The following RAP1GDS1 variants were observed in gnomAD, a reference collection of about 807,000 sequenced individuals.
RAP1GDS1 encodes the protein Rap1 GTPase-GDP dissociation stimulator 1, also known as RAP1, GTP-GDP dissociation stimulator 1.
In RAP1GDS1, 35 loss-of-function variants were observed where a neutral mutation model predicts 71.1. The observed-to-expected ratio is 0.49, with a 90% CI of 0.38 to 0.65. The LOEUF is 0.65. RAP1GDS1 is among the 30% of genes least tolerant of loss of function. The pLI is 0.00. For missense variants in RAP1GDS1, 663 were observed against 706.1 expected, an observed-to-expected ratio of 0.94 and a Z score of 0.69; for synonymous variants, 229 against 243.1, an observed-to-expected ratio of 0.94 and a Z score of 0.54.
chr4:98,327,268 A>T (rs1733261589), intron 2 of RAP1GDS1, among the ~76,000 whole-genome samples: 1 of 152,070 alleles, frequency 6.6e-6, no homozygotes, highest in Non-Finnish European at 1.5e-5. Flanking sequence ...TACATGTGCC[A>T]TGATAAACTA....
intron 2 of RAP1GDS1, among the ~76,000 whole-genome samples, chr4:98,314,330 A>C (rs997223848): frequency 6.6e-6 from 1 of 152,168 alleles, no homozygotes; most frequent in African/African-American, 2.4e-5. Context: ...TTATATGAAA[A>C]ACTTCGTTCT....
At chr4:98,403,409 A>T (rs1745703083) in intron 6 of RAP1GDS1, among the ~76,000 whole-genome samples, 1 of 152,180 alleles carries the variant, frequency 6.6e-6, no homozygotes, top group Admixed American at 6.5e-5. Flanking sequence ...AAGTTGAGTG[A>T]TAATAAATGA....
intron 5 of RAP1GDS1, among the ~76,000 whole-genome samples, chr4:98,389,044 C>A (rs1306477417): frequency 1.4e-5 from 2 of 142,634 alleles, no homozygotes; most frequent in Non-Finnish European, 1.5e-5. Context: ...ACAATGGCTA[C>A]TAATACAATT....
intron 3 of RAP1GDS1, among the ~76,000 whole-genome samples, chr4:98,344,855 T>G (rs1735994239): frequency 1.3e-5 from 2 of 152,230 alleles, no homozygotes; most frequent in South Asian, 4.1e-4. Context: ...GACAGGGTCT[T>G]ACTGTGTCGC....
At chr4:98,361,493 G>T (rs894433743) in intron 4 of RAP1GDS1, among the ~76,000 whole-genome samples, 2 of 152,070 alleles carry the variant, frequency 1.3e-5, no homozygotes, top group African/African-American at 4.8e-5. Context: ...AGGGAGTAAA[G>T]AAAGCTTTAG....
intron 2 of RAP1GDS1, among the ~76,000 whole-genome samples, chr4:98,326,120 G>A (rs930525827): frequency 2.0e-5 from 3 of 151,022 alleles, no homozygotes; most frequent in Non-Finnish European, 4.4e-5. Context: ...TTTTTTTAAA[G>A]TGCTTTGGTT....
Position 98,442,727 on chromosome 4 carries a change from T to C in RAP1GDS1, c.*610T>C. 4.4e-6 allele frequency: 1 copy of C among 227,750 alleles called. No homozygotes were observed. Among genetic ancestry groups the C allele is most frequent in the East Asian group, 6.4e-5 (1 of 15,728 alleles). The allele number at this position is 227,750 out of a possible 1,614,324, so 14.1% of individuals were successfully genotyped here. Reference sequence around the variant, plus strand: ...AAACTGCCACAAACTTGGCAAGACTTTCTGAGGTTTCTGATTCCATATTTA... The same window carrying C: ...AAACTGCCACAAACTTGGCAAGACTCTCTGAGGTTTCTGATTCCATATTTA... On this transcript the variant is annotated 3_prime_UTR_variant, in exon 15 of 15. Coordinates refer to ENST00000408927, the MANE Select transcript of RAP1GDS1 (RefSeq NM_001100427.2).
chr4:98,261,679 G>A, intron 1 of RAP1GDS1, 110 bp downstream of exon 1: 1 of 1,343,706 alleles, frequency 7.4e-7, no homozygotes. Context: ...CCAGTCCCCG[G>A]GTGTGAGACG....
chr4:98,294,182 A>C (rs1727385622), intron 2 of RAP1GDS1, among the ~76,000 whole-genome samples: 1 of 151,760 alleles, frequency 6.6e-6, no homozygotes, highest in African/African-American at 2.4e-5. Context: ...GTATAGAGTG[A>C]TTTTCATTTG....
chr4:98,441,276 G>A, intron 14 of RAP1GDS1: 1 of 915,346 alleles, frequency 1.1e-6, no homozygotes, highest in Non-Finnish European at 1.3e-6. Flanking sequence ...CCATATAACA[G>A]TTCTCAGAGT....
chr4:98,341,564 C>G (rs894055830), intron 2 of RAP1GDS1, among the ~76,000 whole-genome samples: 1 of 152,222 alleles, frequency 6.6e-6, no homozygotes, highest in Non-Finnish European at 1.5e-5. Flanking sequence ...CAGACTCTTG[C>G]TGTCATCCCA....
At chr4:98,283,212 A>G (rs1273635478) in intron 1 of RAP1GDS1, among the ~76,000 whole-genome samples, 1 of 152,220 alleles carries the variant, frequency 6.6e-6, no homozygotes, top group Non-Finnish European at 1.5e-5. Flanking sequence ...GTTTCAGAGA[A>G]ATAAAAATGT....
At chr4:98,261,679 G>T (rs1721992431) in intron 1 of RAP1GDS1, 110 bp downstream of exon 1, 2 of 1,343,600 alleles carry the variant, frequency 1.5e-6, no homozygotes, top group Non-Finnish European at 2.1e-6. Flanking sequence ...CCAGTCCCCG[G>T]GTGTGAGACG....
intron 6 of RAP1GDS1, among the ~76,000 whole-genome samples, chr4:98,400,684 A>G (rs749220080): frequency 5.3e-5 from 8 of 152,154 alleles, no homozygotes; most frequent in Non-Finnish European, 8.8e-5. Context: ...TATCGTTGAC[A>G]ATAATTATTA....
chr4:98,348,632 T>C (rs1736672330), intron 3 of RAP1GDS1, among the ~76,000 whole-genome samples: 1 of 152,152 alleles, frequency 6.6e-6, no homozygotes. Context: ...GCACCTGTTG[T>C]TTCCTGACTT....
intron 2 of RAP1GDS1, among the ~76,000 whole-genome samples, chr4:98,308,446 C>T (rs973463028): frequency 2.0e-5 from 3 of 149,786 alleles, no homozygotes; most frequent in African/African-American, 7.3e-5. Flanking sequence ...CTCTAGCCTA[C>T]GTGACAGAAC....
intron 2 of RAP1GDS1, among the ~76,000 whole-genome samples, chr4:98,298,086 G>A (rs887372852): frequency 1.3e-5 from 2 of 152,140 alleles, no homozygotes; most frequent in African/African-American, 4.8e-5. Context: ...CCAGAGCAGG[G>A]CTCTGATTGT....
intron 1 of RAP1GDS1, among the ~76,000 whole-genome samples, chr4:98,277,935 A>C (rs1455040097): frequency 1.3e-5 from 2 of 152,254 alleles, no homozygotes; most frequent in East Asian, 3.8e-4. Context: ...TTCTGATGAA[A>C]ATACGCTTTC....
intron 2 of RAP1GDS1, among the ~76,000 whole-genome samples, chr4:98,296,029 AAACAAC>A (rs5860532): frequency 0.077 from 11,621 of 150,376 alleles, 475 homozygotes; most frequent in Admixed American, 0.14. Flanking sequence ...CTTGCTTTTT[AAACAAC>A]AACAACAACA....
Sources: allele counts gnomAD v4.1 joint callset (sites outside exome capture counted in the v4.1 genomes callset), GRCh38; gene constraint gnomAD v4.1.1; transcripts MANE v1.5; gene names NCBI Gene and HGNC (gene_info 2026-07-23, HGNC 2026-07-21).